STK32B: variants seen among roughly 807,000 people sequenced by gnomAD.
STK32B encodes the protein serine/threonine-protein kinase 32B.
Under a neutral mutation model 52.6 loss-of-function variants are expected in STK32B, and 43 were observed. The observed-to-expected ratio is 0.82, with a 90% CI of 0.64 to 1.05. The LOEUF is 1.05. Among genes scored for constraint, STK32B ranks in the 50% least tolerant of loss-of-function variants. The probability of loss-of-function intolerance (pLI) is 0.00; values close to 1 mark genes in which losing one functional copy is unlikely to be tolerated. For missense variants in STK32B, 621 were observed against 534.6 expected (o/e 1.16, Z -1.59); for synonymous variants, 238 against 204.3 (o/e 1.17, Z -1.41).
intron 1 of STK32B, among the ~76,000 whole-genome samples, chr4:5,095,186 G>T (rs1387928114): frequency 1.3e-5 from 2 of 152,180 alleles, no homozygotes; most frequent in Non-Finnish European, 2.9e-5. Context: ...TGGGGTTCAG[G>T]TTCAGGTGGG....
chr4:5,486,096 C>T (rs576027031), intron 11 of STK32B, among the ~76,000 whole-genome samples: 2 of 152,130 alleles, frequency 1.3e-5, no homozygotes, highest in African/African-American at 4.8e-5. Flanking sequence ...CTGGGAGGAC[C>T]ACTACTTTCG....
chr4:5,019,389 G>C, the STK32B span: 1 of 1,497,764 alleles, frequency 6.7e-7, no homozygotes, highest in South Asian at 1.3e-5. Flanking sequence ...TGGGCCGCGC[G>C]GCGGGGGCTC....
intron 3 of STK32B, among the ~76,000 whole-genome samples, chr4:5,228,395 C>T (rs1316800531): frequency 6.6e-6 from 1 of 152,210 alleles, no homozygotes; most frequent in African/African-American, 2.4e-5. Context: ...TTTCACGCAA[C>T]AGGGACACCC....
intron 11 of STK32B, among the ~76,000 whole-genome samples, chr4:5,497,775 T>G (rs957729090): frequency 2.0e-5 from 3 of 152,180 alleles, no homozygotes; most frequent in Admixed American, 2.0e-4. Flanking sequence ...GTAGTCATCT[T>G]AGGATAACCC....
intron 1 of STK32B, among the ~76,000 whole-genome samples, chr4:5,089,915 C>T (rs34725198): frequency 6.6e-6 from 1 of 152,038 alleles, no homozygotes; most frequent in Non-Finnish European, 1.5e-5. Flanking sequence ...TTCTGACTGG[C>T]GTGAGATGGT....
chr4:5,325,837 T>A (rs1193837382), intron 3 of STK32B, among the ~76,000 whole-genome samples: 1 of 152,188 alleles, frequency 6.6e-6, no homozygotes, highest in African/African-American at 2.4e-5. Context: ...AATATAATTC[T>A]AATTCTAATA....
At chr4:5,062,921 G>C (rs192063810) in intron 1 of STK32B, among the ~76,000 whole-genome samples, 1 of 152,336 alleles carries the variant, frequency 6.6e-6, no homozygotes, top group East Asian at 1.9e-4. Context: ...GCTGCTGTGA[G>C]TAGCTGCCAT....
At chr4:5,140,123 G>C in intron 2 of STK32B, 163 bp downstream of exon 2, 2 of 1,398,658 alleles carry the variant, frequency 1.4e-6, no homozygotes, top group South Asian at 1.2e-5. Context: ...TTGCGATCTG[G>C]TGTAATTTTC....
At chr4:5,116,117 A>G (rs930863268) in intron 1 of STK32B, among the ~76,000 whole-genome samples, 4 of 151,700 alleles carry the variant, frequency 2.6e-5, no homozygotes, top group Non-Finnish European at 2.9e-5. Flanking sequence ...CCATTTATTG[A>G]CTCTATTAAA....
intron 7 of STK32B, among the ~76,000 whole-genome samples, chr4:5,452,550 C>T (rs1010820417): frequency 2.6e-5 from 4 of 152,114 alleles, no homozygotes; most frequent in East Asian, 1.9e-4. Flanking sequence ...GATGATTCAA[C>T]GGTTCCAGGG....
chr4:5,447,756 G>A lies in STK32B; in HGVS notation c.666+980G>A, dbSNP rs866184628. Among the ~76,000 whole-genome samples the A allele has an allele frequency of 2.0e-5, 3 of 152,324 alleles. 1 individual carries two copies. Among genetic ancestry groups the A allele is most frequent in the South Asian group, 4.1e-4 (2 of 4,822 alleles). On this transcript the variant is annotated intron_variant, in intron 7 of 11. Coordinates refer to ENST00000282908, the MANE Select transcript of STK32B (RefSeq NM_018401.3). ...ACCATGGTTTCCTCATTGTTATAAC[G>A]GGGATAATAAGATCCTTTCTGTCTA...
At chr4:5,433,324 T>C (rs1577489219) in intron 6 of STK32B, among the ~76,000 whole-genome samples, 1 of 152,242 alleles carries the variant, frequency 6.6e-6, no homozygotes, top group African/African-American at 2.4e-5. Flanking sequence ...CGGCTGAGAC[T>C]GAGAACCCAG....
At chr4:5,321,276 A>G (rs1201997634) in intron 3 of STK32B, among the ~76,000 whole-genome samples, 1 of 152,238 alleles carries the variant, frequency 6.6e-6, no homozygotes, top group Non-Finnish European at 1.5e-5. Flanking sequence ...GTATTAAAAA[A>G]AAAGCACTTA....
chr4:5,321,257 C>T (rs1016100009), intron 3 of STK32B, among the ~76,000 whole-genome samples: 10 of 152,108 alleles, frequency 6.6e-5, no homozygotes, highest in East Asian at 5.8e-4. Flanking sequence ...CAAGGAGCCT[C>T]GGTCAATGGT....
chr4:5,347,790 C>A lies in STK32B; in HGVS notation c.434+16397C>A, dbSNP rs554687034. On this transcript the variant is annotated intron_variant, in intron 4 of 11. Transcript: ENST00000282908. Reference sequence around the variant, plus strand: ...AAAGTGTTTGGCACTTCCCTCTTTGCTCTCTTTCTCCTGTTCTGCCATGGT... The same window carrying A: ...AAAGTGTTTGGCACTTCCCTCTTTGATCTCTTTCTCCTGTTCTGCCATGGT... 1.1e-4 allele frequency among the ~76,000 whole-genome samples: 16 copies of A among 152,324 alleles called. No homozygotes were observed. The South Asian group carries it at 2.9e-3, about 28-fold the overall frequency.
chr4:5,019,592 G>C, the STK32B span: 1 of 813,132 alleles, frequency 1.2e-6, no homozygotes, highest in East Asian at 3.4e-5. Context: ...CACGCCCACC[G>C]GGCAGGGTCG....
rs558852362 is a variant in STK32B, at chr4:5,225,679, G to T, written c.260+57229G>T. On this transcript the variant is annotated intron_variant, in intron 3 of 11. Coordinates refer to ENST00000282908, the MANE Select transcript of STK32B (RefSeq NM_018401.3). ...CAGCACTTTCTGTGCCTTGTCCTGT[G>T]TGCAAAATTCTATGGCCATTAGACA... is the stretch of plus-strand genomic sequence containing the variant. 7.2e-5 allele frequency among the ~76,000 whole-genome samples: 11 copies of T among 152,212 alleles called. No individual in the cohort carries two copies. The East Asian group carries it at 2.1e-3, about 29-fold the overall frequency.
At chr4:5,419,037 A>T (rs920059145) in intron 6 of STK32B, among the ~76,000 whole-genome samples, 46 of 152,208 alleles carry the variant, frequency 3.0e-4, no homozygotes, top group Admixed American at 3.0e-3. Context: ...TTCCTTACAG[A>T]TATAAAAAGA....
intron 4 of STK32B, among the ~76,000 whole-genome samples, chr4:5,347,331 A>G (rs1485006284): frequency 6.6e-6 from 1 of 152,192 alleles, no homozygotes; most frequent in African/African-American, 2.4e-5. Context: ...TTTTCTATAA[A>G]TAAAAATACT....
Sources: allele counts gnomAD v4.1 joint callset (sites outside exome capture counted in the v4.1 genomes callset), GRCh38; gene constraint gnomAD v4.1.1; transcripts MANE v1.5; gene names NCBI Gene and HGNC (gene_info 2026-07-23, HGNC 2026-07-21).